The following CMSS1 variants were observed in gnomAD, a reference collection of about 807,000 sequenced individuals.
CMSS1 encodes the protein protein CMSS1.
CMSS1 carries 33 observed loss-of-function variants against 43.5 expected under a neutral mutation model. The observed-to-expected ratio is 0.76, with a 90% CI of 0.57 to 1.01. The LOEUF (loss-of-function observed/expected upper bound fraction) is 1.01. CMSS1 is among the 50% of genes least tolerant of loss of function. The pLI is 0.00. For synonymous variants in CMSS1, 115 were observed against 117.2 expected (o/e 0.98, Z 0.12); for missense variants, 313 against 326.4 (o/e 0.96, Z 0.32).
chr3:99,966,958 C>T (rs985413106), intron 1 of CMSS1, among the ~76,000 whole-genome samples: 1 of 152,132 alleles, frequency 6.6e-6, no homozygotes, highest in Non-Finnish European at 1.5e-5. Flanking sequence ...TACTGCCCCA[C>T]ATGCTATACA....
At chr3:99,914,447 G>GAAGTA (rs1706888621) in intron 1 of CMSS1, among the ~76,000 whole-genome samples, 1 of 151,872 alleles carries the variant, frequency 6.6e-6, no homozygotes, top group Admixed American at 6.6e-5. Context: ...TTTTTTTCCA[G>GAAGTA]AAGTAACACA....
intron 1 of CMSS1, among the ~76,000 whole-genome samples, chr3:99,915,064 C>T (rs933017312): frequency 3.9e-5 from 6 of 152,000 alleles, no homozygotes; most frequent in Admixed American, 2.0e-4. Context: ...TTTCTTCTAG[C>T]TCCATGATAA....
At chr3:99,995,085 G>A (rs911193317) in intron 1 of CMSS1, among the ~76,000 whole-genome samples, 9 of 151,962 alleles carry the variant, frequency 5.9e-5, no homozygotes, top group Admixed American at 1.3e-4. Flanking sequence ...AACCCAAAAC[G>A]CGCAGTCCAA....
At chr3:100,104,390 CT>C (rs775888860) in intron 1 of CMSS1, among the ~76,000 whole-genome samples, 5 of 152,198 alleles carry the variant, frequency 3.3e-5, no homozygotes, top group Admixed American at 6.5e-5. Flanking sequence ...CTGAGCTACA[CT>C]TTTTTTTACA....
At chr3:100,128,152 T>C (rs1202007867) in intron 1 of CMSS1, among the ~76,000 whole-genome samples, 3 of 152,210 alleles carry the variant, frequency 2.0e-5, no homozygotes, top group African/African-American at 4.8e-5. Context: ...TGCCAGCCTT[T>C]CTCACATCTG....
At chr3:100,015,120 GTT>G (rs1710303384) in intron 1 of CMSS1, among the ~76,000 whole-genome samples, 2 of 151,352 alleles carry the variant, frequency 1.3e-5, no homozygotes, top group African/African-American at 4.9e-5. Context: ...TAGATATCCA[GTT>G]TTCCCTGCAC....
intron 1 of CMSS1, among the ~76,000 whole-genome samples, chr3:100,121,422 A>G (rs565968496): frequency 3.3e-5 from 5 of 152,146 alleles, no homozygotes; most frequent in East Asian, 3.9e-4. Context: ...ACATGAACTC[A>G]TCCTTTTTTA....
intron 1 of CMSS1, among the ~76,000 whole-genome samples, chr3:99,866,972 G>C (rs1944551236): frequency 6.6e-6 from 1 of 152,162 alleles, no homozygotes; most frequent in Non-Finnish European, 1.5e-5. Flanking sequence ...TGTAAGTCCA[G>C]AGCATTTGGG....
chr3:99,817,868 T>C lies in CMSS1; in HGVS notation c.-112T>C, dbSNP rs1423160168. On this transcript the variant is annotated 5_prime_UTR_variant, in exon 1 of 10. Coordinates refer to ENST00000421999, the MANE Select transcript of CMSS1 (RefSeq NM_032359.4). Reference sequence around the variant, plus strand: ...GCCGCGGGGCGGAGGCGACAGTGTCTAGCGGGAGCTCCGCGTGTAGCTACG... The same window carrying C: ...GCCGCGGGGCGGAGGCGACAGTGTCCAGCGGGAGCTCCGCGTGTAGCTACG... The C allele has an allele frequency of 1.8e-6, 2 of 1,109,738 alleles. No homozygotes were observed. The highest frequency in any genetic ancestry group is 2.7e-6 in the Non-Finnish European group (2 of 753,930). The allele number at this position is 1,109,738 out of a possible 1,614,324, so 68.7% of individuals were successfully genotyped here. A position where few individuals can be genotyped will look rare whatever the true frequency, so the allele number is the denominator to read the frequency against.
chr3:100,162,201 C>G, intron 3 of CMSS1, 102 bp from the exon 4 acceptor site: 1 of 968,444 alleles, frequency 1.0e-6, no homozygotes, highest in Non-Finnish European at 1.5e-6. Context: ...TTGGCTAACA[C>G]CAAAAGCTAT....
intron 1 of CMSS1, among the ~76,000 whole-genome samples, chr3:100,084,981 T>C (rs986989787): frequency 3.1e-4 from 47 of 152,348 alleles, no homozygotes; most frequent in Non-Finnish European, 5.9e-4. Context: ...TGTCCATGTC[T>C]TTAGCTTCAG....
intron 1 of CMSS1, among the ~76,000 whole-genome samples, chr3:99,908,988 A>G (rs551726385): frequency 1.3e-5 from 2 of 152,320 alleles, no homozygotes; most frequent in East Asian, 3.9e-4. Context: ...ATAATTTACC[A>G]GTTAACAACT....
chr3:100,024,507 T>A (rs2064882577), intron 1 of CMSS1, among the ~76,000 whole-genome samples: 1 of 152,196 alleles, frequency 6.6e-6, no homozygotes, highest in South Asian at 2.1e-4. Flanking sequence ...CTCCTTAGAC[T>A]ATTCAATGTA....
At chr3:100,103,525 A>G (rs1322747841) in intron 1 of CMSS1, among the ~76,000 whole-genome samples, 1 of 152,226 alleles carries the variant, frequency 6.6e-6, no homozygotes, top group Non-Finnish European at 1.5e-5. Flanking sequence ...AACTTGAATC[A>G]GGTTTTTTCT....
chr3:99,938,050 AGTGTGTGTGTGT>A (rs71625545), intron 1 of CMSS1, among the ~76,000 whole-genome samples: 2 of 149,002 alleles, frequency 1.3e-5, no homozygotes, highest in African/African-American at 5.0e-5. Flanking sequence ...AGGCTCAGGA[AGTGTGTGTGTGT>A]GTGTGTGTGT....
intron 1 of CMSS1, among the ~76,000 whole-genome samples, chr3:100,143,434 C>T (rs1380051487): frequency 6.6e-6 from 1 of 152,060 alleles, no homozygotes; most frequent in Non-Finnish European, 1.5e-5. Context: ...AATTTCAATT[C>T]TTTTTAAATT....
chr3:100,092,315 T>C (rs1206333473), intron 1 of CMSS1, among the ~76,000 whole-genome samples: 2 of 152,120 alleles, frequency 1.3e-5, no homozygotes, highest in Non-Finnish European at 2.9e-5. Context: ...CTGAAACCAG[T>C]AGATTTCCCG....
intron 1 of CMSS1, among the ~76,000 whole-genome samples, chr3:100,001,618 T>A (rs1013796724): frequency 1.3e-5 from 2 of 152,188 alleles, no homozygotes; most frequent in Non-Finnish European, 2.9e-5. Context: ...GGAGACATGT[T>A]CCATCTAGTT....
intron 1 of CMSS1, chr3:100,114,950 G>C (rs766057622): frequency 6.5e-7 from 1 of 1,535,406 alleles, no homozygotes; most frequent in Non-Finnish European, 8.7e-7. Context: ...CAGGAGACAC[G>C]AGGGCAAAGT....
Sources: gnomAD v4.1 joint callset for allele counts (sites outside exome capture counted in the v4.1 genomes callset) on GRCh38, gnomAD v4.1.1 for gene constraint, MANE v1.5 for transcripts, NCBI Gene and HGNC (gene_info 2026-07-23, HGNC 2026-07-21) for gene names.